The following PACRG variants were observed in gnomAD, a reference collection of about 807,000 sequenced individuals.
The protein encoded by PACRG is parkin coregulated.
PACRG carries 29 observed loss-of-function variants against 29.7 expected under a neutral mutation model. The ratio of observed to expected loss-of-function variants is 0.98; its 90% CI spans 0.73 to 1.33. PACRG has a LOEUF of 1.33. Among genes scored for constraint, PACRG ranks in the 40% most tolerant of loss-of-function variants. PACRG has a pLI of 0.00. For missense variants in PACRG, 279 were observed against 316.2 expected, an observed-to-expected ratio of 0.88 and a Z score of 0.89; for synonymous variants, 116 against 118.7, an observed-to-expected ratio of 0.98 and a Z score of 0.15.
intron 4 of PACRG, among the ~76,000 whole-genome samples, chr6:163,209,056 ACT>A (rs1781028122): frequency 6.6e-6 from 1 of 152,202 alleles, no homozygotes; most frequent in Admixed American, 6.5e-5. Flanking sequence ...ATAGGCTGGC[ACT>A]CACATTCATT....
chr6:162,755,616 A>C (rs1486180036), intron 1 of PACRG, among the ~76,000 whole-genome samples: 2 of 151,768 alleles, frequency 1.3e-5, no homozygotes, highest in Non-Finnish European at 2.9e-5. Flanking sequence ...TTATATTTTT[A>C]AGTAGAGACG....
intron 1 of PACRG, among the ~76,000 whole-genome samples, chr6:162,733,522 C>A (rs1300159775): frequency 6.6e-6 from 1 of 152,016 alleles, no homozygotes; most frequent in Non-Finnish European, 1.5e-5. Flanking sequence ...AATTGTGGAG[C>A]CCAGAAGCTC....
At chr6:163,314,541 G>A (rs552673001) in intron 4 of PACRG, among the ~76,000 whole-genome samples, 1 of 152,190 alleles carries the variant, frequency 6.6e-6, no homozygotes, top group African/African-American at 2.4e-5. Flanking sequence ...GTATATAATA[G>A]ATCAAGAAAG....
At chr6:162,862,023 C>A (rs115863832) in intron 2 of PACRG, among the ~76,000 whole-genome samples, 1,786 of 152,248 alleles carry the variant, frequency 0.012, 38 homozygotes, top group African/African-American at 0.041. Context: ...TCTGTGTCAG[C>A]TGAGATCTTT....
At chr6:163,136,120 A>C (rs1816927136) in intron 4 of PACRG, among the ~76,000 whole-genome samples, 1 of 152,158 alleles carries the variant, frequency 6.6e-6, no homozygotes, top group African/African-American at 2.4e-5. Flanking sequence ...GATTCATCAA[A>C]ATCCTCTCTT....
At chr6:163,081,062 A>G (rs1448471891) in intron 3 of PACRG, among the ~76,000 whole-genome samples, 2 of 152,168 alleles carry the variant, frequency 1.3e-5, no homozygotes, top group African/African-American at 2.4e-5. Context: ...GAGCTCTGTT[A>G]TGGAAGGAGA....
chr6:163,177,563 A>C (rs73784520), intron 4 of PACRG, among the ~76,000 whole-genome samples: 12,199 of 152,066 alleles, frequency 0.08, 1,238 homozygotes, highest in African/African-American at 0.24. Context: ...GTGCTCCACA[A>C]GTTACAGGAG....
chr6:163,299,578 G>A lies in PACRG; in HGVS notation c.614-15249G>A, dbSNP rs80045435. On this transcript the variant is annotated intron_variant, in intron 4 of 4. Transcript: ENST00000366888. ...CTGGAGCTGCTCCTTTGAGCCAAAG[G>A]TGTCTGTAAAAACTAAACATAGGCC... Among the ~76,000 whole-genome samples the A allele has an allele frequency of 3.3e-3, 507 of 152,224 alleles. 4 individuals carry two copies. The highest frequency in any genetic ancestry group is 3.1e-3 in the Non-Finnish European group (211 of 68,004).
chr6:162,871,685 G>A (rs1283151386), intron 2 of PACRG, among the ~76,000 whole-genome samples: 2 of 152,100 alleles, frequency 1.3e-5, no homozygotes, highest in East Asian at 3.9e-4. Context: ...TTGGGAGGCC[G>A]AGGCGGGCGG....
At chr6:162,779,355 C>A (rs1406101282) in intron 1 of PACRG, among the ~76,000 whole-genome samples, 1 of 152,154 alleles carries the variant, frequency 6.6e-6, no homozygotes, top group African/African-American at 2.4e-5. Flanking sequence ...ATTTCTACTT[C>A]TTGAAGGGCA....
chr6:162,827,574 AC>A (rs1164809919), intron 2 of PACRG, among the ~76,000 whole-genome samples: 3 of 152,132 alleles, frequency 2.0e-5, no homozygotes, highest in African/African-American at 7.2e-5. Context: ...ATTGCAGAAA[AC>A]CTTTTTGGTA....
intron 4 of PACRG, chr6:163,312,922 T>C: frequency 3.6e-6 from 1 of 280,844 alleles, no homozygotes; most frequent in Non-Finnish European, 7.1e-6. Flanking sequence ...CTAGCTAATT[T>C]TTTAATTTCT....
At chr6:162,892,126 T>C (rs1165407240) in intron 2 of PACRG, 1 of 152,358 alleles carries the variant, frequency 6.6e-6, no homozygotes, top group Admixed American at 6.5e-5. Flanking sequence ...TGTCCCAGTC[T>C]GGTCAGCCAA....
chr6:163,160,670 AT>A (rs1310454164), intron 4 of PACRG, among the ~76,000 whole-genome samples: 1 of 152,200 alleles, frequency 6.6e-6, no homozygotes, highest in Admixed American at 6.5e-5. Context: ...CATTTTAGTA[AT>A]TAAGTTAAAC....
At chr6:162,727,410 C>T (rs969450371), upstream of PACRG, 7 of 473,388 alleles carry the variant, frequency 1.5e-5, no homozygotes, top group Non-Finnish European at 2.2e-5. Context: ...CTGGCGTCCC[C>T]GTCGAGGCGG....
intron 4 of PACRG, among the ~76,000 whole-genome samples, chr6:163,131,533 A>G (rs1262093152): frequency 6.6e-6 from 1 of 152,150 alleles, no homozygotes; most frequent in East Asian, 1.9e-4. Flanking sequence ...GCCGTCAGAA[A>G]GGGTGGCCCT....
intron 2 of PACRG, among the ~76,000 whole-genome samples, chr6:162,998,406 T>C (rs1027928123): frequency 2.6e-5 from 4 of 152,216 alleles, no homozygotes; most frequent in African/African-American, 9.6e-5. Context: ...TTCCTCTTCC[T>C]TTCTGGCCCT....
chr6:162,778,634 G>C (rs1412927156), intron 1 of PACRG, among the ~76,000 whole-genome samples: 4 of 152,186 alleles, frequency 2.6e-5, no homozygotes, highest in African/African-American at 9.7e-5. Context: ...TAGAGACTCA[G>C]GGAAATCTAA....
intron 4 of PACRG, among the ~76,000 whole-genome samples, chr6:163,216,519 T>A (rs1337838791): frequency 6.6e-6 from 1 of 152,196 alleles, no homozygotes; most frequent in Non-Finnish European, 1.5e-5. Flanking sequence ...ATAATTAATG[T>A]AAAGCAAGGA....
Sources: gnomAD v4.1 joint callset for allele counts (sites outside exome capture counted in the v4.1 genomes callset) on GRCh38, gnomAD v4.1.1 for gene constraint, MANE v1.5 for transcripts, NCBI Gene and HGNC (gene_info 2026-07-23, HGNC 2026-07-21) for gene names.